Variants in BLTP1 observed in about 807,000 individuals in gnomAD.
The protein encoded by BLTP1 is bridge-like lipid transfer protein family member 1.
chr4:122,344,604 A>G, the BLTP1 span: 10 of 1,391,868 alleles, frequency 7.2e-6, no homozygotes, highest in South Asian at 1.2e-4. Context: ...CTGTTTTCCA[A>G]AATTAAATAA....
chr4:122,260,006 G>A, the BLTP1 span: 3 of 645,818 alleles, frequency 4.6e-6, no homozygotes, highest in Non-Finnish European at 5.8e-6. Flanking sequence ...CTTAATGACA[G>A]GGATGATGCA....
At chr4:122,298,966 A>C in the BLTP1 span, 18 of 985,336 alleles carry the variant, frequency 1.8e-5, no homozygotes, top group Non-Finnish European at 2.2e-5. Context: ...ATGACAGAAG[A>C]TGAAGAGTTG....
At chr4:122,346,565 A>G in the BLTP1 span, 7 of 1,577,798 alleles carry the variant, frequency 4.4e-6, no homozygotes, top group South Asian at 1.2e-5. Context: ...TATACCTACC[A>G]TGTGAAAACA....
the BLTP1 span, chr4:122,291,975 T>TG: frequency 3.8e-6 from 1 of 264,908 alleles, no homozygotes; most frequent in Non-Finnish European, 5.7e-6. Flanking sequence ...AGTTTTTTTT[T>TG]TTTTTTTTTT....
At chr4:122,182,889 C>A in the BLTP1 span, 1 of 984,828 alleles carries the variant, frequency 1.0e-6, no homozygotes, top group South Asian at 4.7e-5. Context: ...CAAATAAATA[C>A]CTGTTAAAGA....
At chr4:122,300,573 A>G in the BLTP1 span, among the ~76,000 whole-genome samples, 1 of 152,114 alleles carries the variant, frequency 6.6e-6, no homozygotes, top group African/African-American at 2.4e-5. Context: ...TATTTTTATC[A>G]TAGTACTAAC....
the BLTP1 span, chr4:122,333,316 T>C: frequency 1.0e-5 from 1 of 98,972 alleles, no homozygotes; most frequent in African/African-American, 4.1e-5. Context: ...TTTTAATGAT[T>C]GCCATTCTAA....
At chr4:122,343,692 A>G in the BLTP1 span, 1 of 1,443,612 alleles carries the variant, frequency 6.9e-7, no homozygotes, top group Admixed American at 1.9e-5. Context: ...AATCATAAGG[A>G]CATAGCCAAG....
the BLTP1 span, chr4:122,355,670 A>G: frequency 3.7e-6 from 3 of 802,502 alleles, no homozygotes; most frequent in Non-Finnish European, 5.4e-6. Context: ...GTATATCTAT[A>G]TATAATGTGA....
chr4:122,288,626 T>G, the BLTP1 span: 3 of 202,100 alleles, frequency 1.5e-5, no homozygotes, highest in African/African-American at 7.2e-5. Flanking sequence ...CACTCCAGCC[T>G]GGGTGACAGA....
At chr4:122,312,019 T>A in the BLTP1 span, among the ~76,000 whole-genome samples, 6 of 152,138 alleles carry the variant, frequency 3.9e-5, no homozygotes, top group African/African-American at 1.4e-4. Flanking sequence ...GTTTATATAT[T>A]CATCTTTTAA....
the BLTP1 span, chr4:122,172,952 A>G: frequency 6.3e-7 from 1 of 1,579,672 alleles, no homozygotes; most frequent in Admixed American, 2.0e-5. Flanking sequence ...CTCTGGTTTT[A>G]AAATTCCAAG....
At chr4:122,289,496 C>G in the BLTP1 span, 6 of 983,510 alleles carry the variant, frequency 6.1e-6, no homozygotes, top group Non-Finnish European at 7.2e-6. Context: ...CATTTGGGAA[C>G]AACATTTAGG....
the BLTP1 span, among the ~76,000 whole-genome samples, chr4:122,353,511 G>A: frequency 1.3e-5 from 2 of 152,158 alleles, no homozygotes; most frequent in Non-Finnish European, 2.9e-5. The surrounding 1 kb of genome is among the most constrained non-coding windows in gnomAD (Gnocchi z 4.3). Context: ...AGGCAAGGCT[G>A]TGCTTTTATC....
the BLTP1 span, chr4:122,175,030 G>A: frequency 1.1e-6 from 1 of 941,716 alleles, no homozygotes; most frequent in Non-Finnish European, 1.3e-6. Flanking sequence ...TTATAGAATT[G>A]TTTAGCATTT....
At chr4:122,353,090 C>T in the BLTP1 span, 1 of 1,613,878 alleles carries the variant, frequency 6.2e-7, no homozygotes, top group Admixed American at 1.7e-5. This position sits in a 1 kb window ranked among gnomAD's most constrained non-coding sequence, Gnocchi z 4.3. Flanking sequence ...AAATCTTGGG[C>T]CCTTTTTCAT....
At chr4:122,237,043 T>A in the BLTP1 span, 1 of 984,770 alleles carries the variant, frequency 1.0e-6, no homozygotes, top group Non-Finnish European at 1.2e-6. Flanking sequence ...ATCAAGACCA[T>A]TTTTTCTTTT....
At chr4:122,328,119 G>T in the BLTP1 span, 1 of 1,603,188 alleles carries the variant, frequency 6.2e-7, no homozygotes, top group South Asian at 1.1e-5. Context: ...AGAGGAGACA[G>T]AACTGGACCT....
the BLTP1 span, chr4:122,244,083 TATG>T: frequency 1.2e-5 from 18 of 1,486,600 alleles, no homozygotes; most frequent in Non-Finnish European, 1.5e-5. Context: ...TACTCTGTGA[TATG>T]ATAAGTATAT....
Sources: allele counts gnomAD v4.1 joint callset (sites outside exome capture counted in the v4.1 genomes callset), GRCh38; gene constraint gnomAD v4.1.1; non-coding constraint Gnocchi (gnomAD v3.1); transcripts MANE v1.5; gene names NCBI Gene and HGNC (gene_info 2026-07-23, HGNC 2026-07-21).